Variants in NRG3 observed in about 807,000 individuals in gnomAD.
NRG3 encodes pro-neuregulin-3, membrane-bound isoform.
Under a neutral mutation model 66.9 loss-of-function variants are expected in NRG3, and 31 were observed. The ratio of observed to expected loss-of-function variants is 0.46; its 90% confidence interval spans 0.35 to 0.63. The LOEUF is 0.63. NRG3 is among the 20% of genes least tolerant of loss of function. The pLI is 0.00. For missense variants in NRG3, 910 were observed against 878.9 expected (o/e 1.04, Z -0.45); for synonymous variants, 393 against 359.4 (o/e 1.09, Z -1.06).
intron 1 of NRG3, among the ~76,000 whole-genome samples, chr10:81,993,531 G>A (rs1355179823): frequency 6.6e-6 from 1 of 151,812 alleles, no homozygotes; most frequent in Admixed American, 6.6e-5. Flanking sequence ...TTTTTTTGTA[G>A]AGATGGGGTC....
intron 1 of NRG3, among the ~76,000 whole-genome samples, chr10:81,935,723 T>C (rs995568942): frequency 2.6e-5 from 4 of 152,328 alleles, no homozygotes; most frequent in Admixed American, 1.3e-4. Context: ...ACAGTATTCA[T>C]ATCCCTGCTT....
chr10:82,741,653 A>G (rs2058429066), intron 3 of NRG3, among the ~76,000 whole-genome samples: 1 of 152,152 alleles, frequency 6.6e-6, no homozygotes, highest in Non-Finnish European at 1.5e-5. Context: ...TATAGATGAG[A>G]AAATTAGACC....
chr10:81,940,857 A>G (rs1321946319), intron 1 of NRG3, among the ~76,000 whole-genome samples: 2 of 152,072 alleles, frequency 1.3e-5, no homozygotes, highest in Non-Finnish European at 2.9e-5. Context: ...TAAGGTACCG[A>G]ATGTATATCC....
chr10:82,642,312 G>T (rs191430672), intron 2 of NRG3, among the ~76,000 whole-genome samples: 1 of 151,434 alleles, frequency 6.6e-6, no homozygotes, highest in Non-Finnish European at 1.5e-5. Context: ...AAGTGAGAAA[G>T]AACTGTCAGA....
At chr10:82,403,155 G>T (rs1345132161) in intron 2 of NRG3, among the ~76,000 whole-genome samples, 1 of 152,112 alleles carries the variant, frequency 6.6e-6, no homozygotes, top group South Asian at 2.1e-4. Context: ...TTCCAGAGGA[G>T]CTTCCATGGG....
chr10:82,086,899 C>T (rs965942927), intron 1 of NRG3, among the ~76,000 whole-genome samples: 9 of 152,176 alleles, frequency 5.9e-5, no homozygotes, highest in Admixed American at 5.9e-4. Flanking sequence ...AATGTTGACT[C>T]TGACAATAGT....
intron 2 of NRG3, among the ~76,000 whole-genome samples, chr10:82,593,552 T>C (rs1437026159): frequency 2.7e-5 from 3 of 109,274 alleles, no homozygotes; most frequent in African/African-American, 5.3e-5. Flanking sequence ...AATTAACATT[T>C]CTCGGCTCAT....
Position 81,954,276 on chromosome 10 carries a change from TTTTG to T in NRG3, c.823+78117_823+78120del, listed in dbSNP as rs150427995. Among the ~76,000 whole-genome samples, 942 of 152,302 alleles carry T rather than the reference TTTTG, an allele frequency of 6.2e-3. 5 individuals are homozygous for T. Among genetic ancestry groups the T allele is most frequent in the African/African-American group, 0.021 (882 of 41,576 alleles). On this transcript the variant is annotated intron_variant, in intron 1 of 8. Coordinates refer to ENST00000372141, the MANE Select transcript of NRG3 (RefSeq NM_001010848.4). ...GTGCTGGAGCTGACAGAAATTTCCT[TTTTG>T]TTTATCACTTTGAGCCTTTTGAATA... is the stretch of plus-strand genomic sequence containing the variant.
intron 3 of NRG3, among the ~76,000 whole-genome samples, chr10:82,812,607 A>G (rs2061535402): frequency 6.6e-6 from 1 of 152,232 alleles, no homozygotes; most frequent in South Asian, 2.1e-4. Context: ...GCTAAAAACC[A>G]CATCAATAAA....
chr10:82,133,310 A>G (rs570768917), intron 1 of NRG3, among the ~76,000 whole-genome samples: 1 of 152,238 alleles, frequency 6.6e-6, no homozygotes, highest in Admixed American at 6.5e-5. Flanking sequence ...TTTGTTACAT[A>G]CATAAACTCA....
intron 1 of NRG3, among the ~76,000 whole-genome samples, chr10:81,899,357 T>C (rs959460039): frequency 5.3e-5 from 8 of 152,232 alleles, no homozygotes; most frequent in African/African-American, 1.9e-4. Flanking sequence ...TTACGTGAAA[T>C]AGTCAACAGA....
At chr10:82,931,296 G>A (rs1230248821) in intron 4 of NRG3, among the ~76,000 whole-genome samples, 1 of 152,042 alleles carries the variant, frequency 6.6e-6, no homozygotes, top group African/African-American at 2.4e-5. Flanking sequence ...ATTTATTTTT[G>A]AGATACTTTC....
intron 6 of NRG3, among the ~76,000 whole-genome samples, chr10:82,961,854 C>T (rs974609149): frequency 7.2e-5 from 11 of 152,208 alleles, no homozygotes; most frequent in East Asian, 1.9e-4. Context: ...CAGAGGGTGA[C>T]GGGTTATTCA....
intron 3 of NRG3, among the ~76,000 whole-genome samples, chr10:82,784,128 A>G (rs1305163213): frequency 6.6e-6 from 1 of 152,120 alleles, no homozygotes; most frequent in Non-Finnish European, 1.5e-5. Flanking sequence ...TATTTAATAA[A>G]TGGTGCTGGG....
At chr10:82,199,574 A>C (rs1328746742) in intron 1 of NRG3, among the ~76,000 whole-genome samples, 1 of 152,234 alleles carries the variant, frequency 6.6e-6, no homozygotes, top group Non-Finnish European at 1.5e-5. Flanking sequence ...TTTCTTAAAT[A>C]GAAATAGTTT....
At chr10:82,779,916 CT>C (rs1189483170) in intron 3 of NRG3, among the ~76,000 whole-genome samples, 7 of 150,294 alleles carry the variant, frequency 4.7e-5, no homozygotes, top group African/African-American at 1.7e-4. Context: ...ATTCTCCTCC[CT>C]GTGTCCAAGT....
At chr10:82,945,404 T>A (rs1447624896) in intron 4 of NRG3, among the ~76,000 whole-genome samples, 1 of 152,190 alleles carries the variant, frequency 6.6e-6, no homozygotes, top group Non-Finnish European at 1.5e-5. Context: ...CAAGGTTGGA[T>A]GAAAAGTCCC....
chr10:82,981,235 TGC>T (rs752528159), intron 8 of NRG3, among the ~76,000 whole-genome samples: 11 of 152,214 alleles, frequency 7.2e-5, no homozygotes, highest in Non-Finnish European at 1.6e-4. Flanking sequence ...ACTTATTTTC[TGC>T]GTGGTGGTGG....
At chr10:82,170,104 T>A (rs2072451175) in intron 1 of NRG3, among the ~76,000 whole-genome samples, 1 of 152,040 alleles carries the variant, frequency 6.6e-6, no homozygotes, top group South Asian at 2.1e-4. Context: ...CAAATGTTAG[T>A]TTCTGGTTCA....
Sources: allele counts gnomAD v4.1 joint callset (sites outside exome capture counted in the v4.1 genomes callset), GRCh38; gene constraint gnomAD v4.1.1; transcripts MANE v1.5; gene names NCBI Gene and HGNC (gene_info 2026-07-23, HGNC 2026-07-21).